The following IQGAP1 variants were observed in gnomAD, a reference collection of about 807,000 sequenced individuals.
The protein encoded by IQGAP1 is IQ motif containing GTPase activating protein 1, also known as ras GTPase-activating-like protein IQGAP1.
IQGAP1 carries 66 observed loss-of-function variants against 215.6 expected under a neutral mutation model. The observed-to-expected ratio is 0.31, with a 90% CI of 0.25 to 0.38. The LOEUF is 0.38. IQGAP1 is among the 10% of genes least tolerant of loss of function. The pLI, the probability that IQGAP1 is intolerant of heterozygous loss-of-function variation, is 1.00. For missense variants in IQGAP1, 1,712 were observed against 1,997.1 expected (o/e 0.86, Z 2.72); for synonymous variants, 772 against 728.7 (o/e 1.06, Z -0.96).
At chr15:90,412,119 T>C (rs564187905) in intron 2 of IQGAP1, among the ~76,000 whole-genome samples, 1 of 152,346 alleles carries the variant, frequency 6.6e-6, no homozygotes, top group East Asian at 1.9e-4. Context: ...CTGATTATGC[T>C]AAGAATGAAG....
chr15:90,401,954 C>T (rs8032687), intron 2 of IQGAP1, among the ~76,000 whole-genome samples: 23,375 of 152,138 alleles, frequency 0.15, 2,040 homozygotes, highest in South Asian at 0.23. Context: ...TTCCCAAGGT[C>T]ATATATTGGA....
intron 8 of IQGAP1, 106 bp from the exon 9 acceptor site, chr15:90,443,288 A>C (rs1398701227): frequency 3.0e-6 from 2 of 671,830 alleles, no homozygotes; most frequent in Admixed American, 4.9e-5. Flanking sequence ...CTTAAGCTAC[A>C]CCCATATTCT....
At chr15:90,429,079 C>CTGA (rs1443820457) in intron 3 of IQGAP1, among the ~76,000 whole-genome samples, 1 of 152,184 alleles carries the variant, frequency 6.6e-6, no homozygotes, top group East Asian at 1.9e-4. Flanking sequence ...TCTCAAACTC[C>CTGA]TGACCTCAGG....
intron 15 of IQGAP1, among the ~76,000 whole-genome samples, chr15:90,465,151 A>T (rs1330776644): frequency 1.3e-5 from 2 of 152,208 alleles, no homozygotes; most frequent in Admixed American, 1.3e-4. Flanking sequence ...CTGATTTAAC[A>T]TTCAAGTTTT....
chr15:90,412,814 GGTA>G (rs1964986108), intron 2 of IQGAP1, among the ~76,000 whole-genome samples: 2 of 152,138 alleles, frequency 1.3e-5, no homozygotes, highest in Admixed American at 6.5e-5. Flanking sequence ...AGATGGGTGT[GGTA>G]CCAGAGGAGC....
rs201802398 is a variant in IQGAP1, at chr15:90,482,236, G to T, written c.3510G>T (p.Ser1170=). ...TCATTGCCAAAGTGCTGAAGGACTC[G>T]TTGCATGAGAAGTTCCCTGATGCTG... ...MRFIAKVLKD[S]LHEKFPDAGE... is the part of the protein sequence containing the mutation. The change falls in exon 28 of 38, where the codon TCG becomes TCT. Residue 1170 remains serine, a synonymous_variant. Transcript: ENST00000268182. The T allele has an allele frequency of 6.2e-7, 1 of 1,614,168 alleles. No individual in the cohort carries two copies. Among genetic ancestry groups the T allele is most frequent in the East Asian group, 2.2e-5 (1 of 44,892 alleles).
chr15:90,413,503 A>G (rs1293140985), intron 2 of IQGAP1, among the ~76,000 whole-genome samples: 1 of 152,222 alleles, frequency 6.6e-6, no homozygotes, highest in Non-Finnish European at 1.5e-5. Context: ...AGTTTGGACC[A>G]TATTAGCCAA....
At chr15:90,448,480 A>G in intron 9 of IQGAP1, 93 bp from the exon 10 acceptor site, 3 of 1,124,312 alleles carry the variant, frequency 2.7e-6, no homozygotes, top group Non-Finnish European at 3.7e-6. Context: ...ATATTTCCTT[A>G]TCTGGAACTG....
At chr15:90,462,865 CTTAGATAGCATTT>C (rs1248575602) in intron 15 of IQGAP1, among the ~76,000 whole-genome samples, 1 of 152,160 alleles carries the variant, frequency 6.6e-6, no homozygotes, top group Non-Finnish European at 1.5e-5. Context: ...TTGAATATAT[CTTAGATAGCATTT>C]TTACAGCAAA....
chr15:90,422,156 G>C, intron 2 of IQGAP1, among the ~76,000 whole-genome samples: 1 of 152,100 alleles, frequency 6.6e-6, no homozygotes, highest in Non-Finnish European at 1.5e-5. Context: ...TGGCTTTTCA[G>C]GTGATATAGT....
chr15:90,474,442 C>G (rs1451551826), intron 22 of IQGAP1, 43 bp from the exon 23 acceptor site: 1 of 1,447,212 alleles, frequency 6.9e-7, no homozygotes, highest in Non-Finnish European at 9.7e-7. Context: ...AGACGTAGTA[C>G]TTTTTCTGCT....
chr15:90,498,735 C>T (rs2151042110), intron 37 of IQGAP1, among the ~76,000 whole-genome samples: 1 of 152,234 alleles, frequency 6.6e-6, no homozygotes, highest in Non-Finnish European at 1.5e-5. Context: ...GCAACCTCCA[C>T]CTCGTGGGTT....
At chr15:90,388,529 C>G in intron 1 of IQGAP1, 133 bp downstream of exon 1, 5 of 595,834 alleles carry the variant, frequency 8.4e-6, no homozygotes, top group Non-Finnish European at 9.7e-6. Context: ...AGAGCCGTCC[C>G]GGTGGGGCGG....
intron 15 of IQGAP1, among the ~76,000 whole-genome samples, chr15:90,458,886 G>A (rs1422182583): frequency 6.6e-6 from 1 of 152,094 alleles, no homozygotes; most frequent in Non-Finnish European, 1.5e-5. Context: ...TACATGATTA[G>A]GACATGGTAA....
rs755719214 is a variant in IQGAP1 at position 90,486,026 on chromosome 15, G to A, written c.3922-4G>A. On this transcript the variant is annotated splice_region_variant and splice_polypyrimidine_tract_variant and intron_variant, in intron 30 of 37. Coordinates refer to ENST00000268182, the MANE Select transcript of IQGAP1 (RefSeq NM_003870.4). ...TAAATGGAGTTGATCATTGGTGTTT[G>A]CAGCTCCTGTTGGATCACCAGGATG... 1.9e-6 allele frequency: 3 copies of A among 1,610,590 alleles called. No individual in the cohort carries two copies. The highest frequency in any genetic ancestry group is 2.5e-6 in the Non-Finnish European group (3 of 1,177,222).
chr15:90,462,215 A>G (rs1256793319), intron 15 of IQGAP1, among the ~76,000 whole-genome samples: 1 of 152,226 alleles, frequency 6.6e-6, no homozygotes, highest in Non-Finnish European at 1.5e-5. Context: ...ATGTGTGTAT[A>G]TGCACTTATG....
intron 37 of IQGAP1, 27 bp from the exon 38 acceptor site, chr15:90,499,967 GT>G: frequency 3.0e-6 from 1 of 336,470 alleles, no homozygotes; most frequent in Non-Finnish European, 5.5e-6. Context: ...AAAATGTTTT[GT>G]TTTGTTTTGT....
At chr15:90,403,327 T>C (rs542526491) in intron 2 of IQGAP1, among the ~76,000 whole-genome samples, 1 of 152,336 alleles carries the variant, frequency 6.6e-6, no homozygotes, top group African/African-American at 2.4e-5. Context: ...AAAGGTAGTG[T>C]TTGACAATGG....
In IQGAP1 at chr15:90,476,939, A is replaced by G. The variant is rs1054367521; in HGVS notation, c.2940+121A>G. The G allele has an allele frequency of 3.1e-6, 4 of 1,292,588 alleles. No individual in the cohort carries two copies. The Admixed American group carries it at 6.3e-5, about 20-fold the overall frequency. The allele number at this position is 1,292,588 out of a possible 1,614,324, so 80.1% of individuals were successfully genotyped here. A position where few individuals can be genotyped will look rare whatever the true frequency, so the allele number is the denominator to read the frequency against. ...TTCCACTGAGGGGTGAGTGAGGGGC[A>G]CTGTAACATGTTAATTTATTAATCT... is the stretch of plus-strand genomic sequence containing the variant. On this transcript the variant is annotated intron_variant, in intron 24 of 37. Coordinates refer to ENST00000268182, the MANE Select transcript of IQGAP1 (RefSeq NM_003870.4).
Sources: gnomAD v4.1 joint callset for allele counts (sites outside exome capture counted in the v4.1 genomes callset) on GRCh38, gnomAD v4.1.1 for gene constraint, MANE v1.5 for transcripts, NCBI Gene and HGNC (gene_info 2026-07-23, HGNC 2026-07-21) for gene names.